The following FUS variants were observed in gnomAD, a reference collection of about 807,000 sequenced individuals.
The protein encoded by FUS is FUS RNA binding protein, also known as RNA-binding protein FUS.
In FUS, 5 loss-of-function variants were observed where a neutral mutation model predicts 82.7. The observed-to-expected ratio is 0.06, with a 90% CI of 0.03 to 0.13. The LOEUF (loss-of-function observed/expected upper bound fraction) is 0.13, where lower values mean the gene tolerates loss of function less well. Among genes scored for constraint, FUS ranks in the 10% least tolerant of loss-of-function variants. FUS has a pLI of 1.00. For missense variants in FUS, 512 were observed against 707.8 expected (o/e 0.72, Z 3.14); for synonymous variants, 281 against 247.4 (o/e 1.14, Z -1.27).
chr16:31,184,113 C>G (rs1239240059), intron 4 of FUS, 96 bp from the exon 5 acceptor site: 7 of 1,612,392 alleles, frequency 4.3e-6, no homozygotes, highest in Non-Finnish European at 5.9e-6. Context: ...GGTAGGGGAG[C>G]CTGTGTTGGG....
Position 31,190,042 on chromosome 16 carries a change from A to G in FUS, c.1069A>G (p.Lys357Glu). The G allele has an allele frequency of 6.2e-7, 1 of 1,611,288 alleles. No individual in the cohort carries two copies. Among genetic ancestry groups the G allele is most frequent in the Non-Finnish European group, 8.5e-7 (1 of 1,178,474 alleles). The change falls in exon 11 of 15, where the codon AAA (lysine) becomes GAA (glutamate). Residue 357 changes from lysine to glutamate, a missense_variant and splice_region_variant. Physicochemically the swap from Lys to Glu is moderately conservative, Grantham distance 56. This residue lies in a region of FUS where 26 missense variants were observed against 109.3 expected (regional missense o/e 0.24). Coordinates refer to ENST00000254108, the MANE Select transcript of FUS (RefSeq NM_004960.4). The part of the protein sequence containing the change: ...AKAAIDWFDG[K>E]EFSGNPIKVS... Reference sequence around the variant, plus strand: ...TTGATGATTTTTTGTTTCTCTAGGTAAAGAATTCTCCGGAAATCCTATCAA... The same window carrying G: ...TTGATGATTTTTTGTTTCTCTAGGTGAAGAATTCTCCGGAAATCCTATCAA...
downstream of FUS, chr16:31,191,751 A>G (rs918382046): frequency 4.8e-6 from 3 of 627,078 alleles, no homozygotes; most frequent in Non-Finnish European, 3.0e-6. Context: ...CCTTGAGAGC[A>G]GAGATTAAAC....
At chr16:31,192,802 C>T (rs1753946536), downstream of FUS, 1 of 480,980 alleles carries the variant, frequency 2.1e-6, no homozygotes, top group Non-Finnish European at 4.1e-6. Context: ...TAACTCCTGA[C>T]CTCAGGTGAT....
chr16:31,193,548 G>C, downstream of FUS: 1 of 530,056 alleles, frequency 1.9e-6, no homozygotes, highest in South Asian at 1.5e-5. Flanking sequence ...CTCCTTGTAA[G>C]ATATGATTAC....
downstream of FUS, chr16:31,194,069 AG>A: frequency 1.9e-6 from 1 of 534,212 alleles, no homozygotes; most frequent in Admixed American, 2.2e-5. Flanking sequence ...GCTGTGCTGT[AG>A]GTCTGTTTGT....
At chr16:31,185,493 G>GA (rs1174762640) in intron 6 of FUS, 4 of 609,946 alleles carry the variant, frequency 6.6e-6, no homozygotes, top group Non-Finnish European at 9.2e-6. Flanking sequence ...ACATGGAAGT[G>GA]AAGACTTCTT....
chr16:31,183,881 C>G lies in FUS; in HGVS notation c.214C>G (p.Pro72Ala), dbSNP rs753197353. ...QNTGYGTQST[P>A]QGYGSTGGYG... ...AGCAGGCTATGGAACTCAGTCAACT[C>G]CCCAGGGATATGGCTCGACTGGCGG... The change falls in exon 4 of 15, where the codon CCC becomes GCC. Residue 72 changes from proline to alanine, a missense_variant. By Grantham distance (27) the Pro-to-Ala change is conservative. Coordinates refer to ENST00000254108, the MANE Select transcript of FUS (RefSeq NM_004960.4). The G allele has an allele frequency of 6.2e-7, 1 of 1,614,030 alleles. No homozygotes were observed. The highest frequency in any genetic ancestry group is 2.2e-5 in the East Asian group (1 of 44,900).
At chr16:31,180,277 C>G (rs1415499334) in intron 1 of FUS, 50 bp downstream of exon 1, 3 of 1,582,898 alleles carry the variant, frequency 1.9e-6, no homozygotes, top group South Asian at 1.1e-5. Context: ...CCGAGGCCTC[C>G]CAGCTGGGCT....
downstream of FUS, chr16:31,192,234 G>A: frequency 1.9e-6 from 1 of 526,168 alleles, no homozygotes; most frequent in East Asian, 4.0e-5. Context: ...TGAGATTTTA[G>A]GCTTGATCCC....
downstream of FUS, chr16:31,194,821 C>G (rs916035535): frequency 4.2e-6 from 2 of 478,728 alleles, no homozygotes; most frequent in African/African-American, 3.9e-5. Flanking sequence ...TGTGAATAAT[C>G]AGACCAAAAA....
At chr16:31,181,023 C>G (rs1350359316) in intron 1 of FUS, among the ~76,000 whole-genome samples, 2 of 152,082 alleles carry the variant, frequency 1.3e-5, no homozygotes, top group Non-Finnish European at 2.9e-5. Context: ...AGTGATTCTT[C>G]TGCCTCAGCC....
intron 4 of FUS, 81 bp downstream of exon 4, chr16:31,184,083 C>T: frequency 3.1e-6 from 5 of 1,611,780 alleles, no homozygotes; most frequent in Non-Finnish European, 4.2e-6. Flanking sequence ...GCAGTAGGAG[C>T]AGTTCAGAGG....
At chr16:31,190,452 T>C (rs550234700) in intron 12 of FUS, 54 bp downstream of exon 12, 42 of 1,612,034 alleles carry the variant, frequency 2.6e-5, no homozygotes, top group African/African-American at 1.9e-4. Flanking sequence ...CTCTTTGATA[T>C]ATTGGTACTG....
intron 8 of FUS, 91 bp downstream of exon 8, chr16:31,188,448 G>A (rs1306432555): frequency 2.7e-5 from 37 of 1,360,488 alleles, no homozygotes; most frequent in Middle Eastern, 1.8e-4. Context: ...AAAGGAAACT[G>A]AAAAAAATGG....
At chr16:31,194,358 G>A (rs566083187), downstream of FUS, 39 of 517,436 alleles carry the variant, frequency 7.5e-5, 2 homozygotes, top group South Asian at 5.4e-4. Flanking sequence ...GTGTGATCTC[G>A]ACCAACTGCA....
chr16:31,193,885 G>A (rs2079391362), downstream of FUS: 1 of 527,518 alleles, frequency 1.9e-6, no homozygotes, highest in South Asian at 1.5e-5. Context: ...GGCCTCAAGT[G>A]ACCTGCCTGC....
chr16:31,187,274 A>G (rs1229438502), intron 7 of FUS: 2 of 297,490 alleles, frequency 6.7e-6, no homozygotes, highest in Non-Finnish European at 1.3e-5. Flanking sequence ...GAGGGATGTA[A>G]CATTGCCCTG....
downstream of FUS, chr16:31,192,379 A>G (rs1276040632): frequency 5.7e-6 from 3 of 524,130 alleles, no homozygotes; most frequent in South Asian, 1.5e-5. Flanking sequence ...ACTTGCACGT[A>G]CCTGCCAACC....
intron 1 of FUS, among the ~76,000 whole-genome samples, chr16:31,180,715 C>T (rs948183610): frequency 2.0e-5 from 3 of 152,292 alleles, no homozygotes; most frequent in Middle Eastern, 3.4e-3. Flanking sequence ...GACTCGGCGG[C>T]GCGCGTCCGG....
Sources: allele counts gnomAD v4.1 joint callset (sites outside exome capture counted in the v4.1 genomes callset), GRCh38; gene constraint gnomAD v4.1.1; regional missense constraint gnomAD v4.1.1; transcripts MANE v1.5; gene names NCBI Gene and HGNC (gene_info 2026-07-23, HGNC 2026-07-21).